AMPH: variants seen among roughly 807,000 people sequenced by gnomAD.
AMPH encodes the protein amphiphysin, also known as amphiphysin (Stiff-Mann syndrome with breast cancer 128kD autoantigen).
In AMPH, 49 loss-of-function variants were observed where a neutral mutation model predicts 99.1. The observed-to-expected ratio is 0.49, with a 90% CI of 0.39 to 0.63. AMPH has a LOEUF of 0.63. Among genes scored for constraint, AMPH ranks in the 20% least tolerant of loss-of-function variants. The pLI, the probability that AMPH is intolerant of heterozygous loss-of-function variation, is 0.00. For synonymous variants in AMPH, 314 were observed against 317.3 expected (o/e 0.99, Z 0.11); for missense variants, 759 against 863.4 (o/e 0.88, Z 1.52).
chr7:38,467,785 A>G (rs1787719734), intron 7 of AMPH, among the ~76,000 whole-genome samples: 1 of 152,066 alleles, frequency 6.6e-6, no homozygotes, highest in Admixed American at 6.6e-5. Context: ...ACATATCAAA[A>G]GTGAGTGGAT....
At chr7:38,415,275 G>C (rs553012398) in intron 17 of AMPH, among the ~76,000 whole-genome samples, 1 of 152,108 alleles carries the variant, frequency 6.6e-6, no homozygotes, top group South Asian at 2.1e-4. Context: ...AAAAAAACCA[G>C]AACAATCACA....
At chr7:38,511,510 C>G (rs1562799305) in intron 2 of AMPH, among the ~76,000 whole-genome samples, 1 of 152,114 alleles carries the variant, frequency 6.6e-6, no homozygotes, top group Non-Finnish European at 1.5e-5. Flanking sequence ...AACCAACTAA[C>G]AATGGATATG....
intron 1 of AMPH, among the ~76,000 whole-genome samples, chr7:38,620,548 T>TACATACACAC: frequency 7.5e-6 from 1 of 133,184 alleles, no homozygotes; most frequent in Middle Eastern, 3.9e-3. Context: ...TATACATACA[T>TACATACACAC]ACACACACAC....
intron 20 of AMPH, among the ~76,000 whole-genome samples, chr7:38,387,276 A>G (rs566735823): frequency 1.3e-5 from 2 of 152,370 alleles, no homozygotes; most frequent in South Asian, 4.1e-4. Context: ...TGACCAAAAG[A>G]TTAAAAAGCA....
At chr7:38,582,357 C>T (rs546444217) in intron 1 of AMPH, among the ~76,000 whole-genome samples, 107 of 152,240 alleles carry the variant, frequency 7.0e-4, no homozygotes, top group African/African-American at 2.4e-3. Context: ...GAAAGCCTGA[C>T]TAGGGTGGGT....
intron 2 of AMPH, among the ~76,000 whole-genome samples, chr7:38,522,380 A>G (rs980928013): frequency 2.6e-5 from 4 of 152,164 alleles, no homozygotes; most frequent in African/African-American, 9.7e-5. Flanking sequence ...TTTATTTTAC[A>G]GACTCCATTA....
chr7:38,440,735 C>T (rs1786473220), intron 11 of AMPH, among the ~76,000 whole-genome samples: 1 of 151,874 alleles, frequency 6.6e-6, no homozygotes, highest in Non-Finnish European at 1.5e-5. Flanking sequence ...TTAAAATGTA[C>T]ACTAAAACCC....
rs1223932748 is a variant in AMPH at position 38,468,970 on chromosome 7, C to T, written c.591-2722G>A. ...GAGATCGAGACCATCCCGGCTAAAACGGTGAAACCCCGTCTCTACTAAAAA... is the reference window on the plus strand; with the variant it reads ...GAGATCGAGACCATCCCGGCTAAAATGGTGAAACCCCGTCTCTACTAAAAA... On this transcript the variant is annotated intron_variant, in intron 7 of 20. Transcript: ENST00000356264. Among the ~76,000 whole-genome samples, 3 of 74,722 alleles carry T rather than the reference C, an allele frequency of 4.0e-5. 1 individual carries two copies. Among genetic ancestry groups the T allele is most frequent in the African/African-American group, 6.0e-5 (1 of 16,602 alleles). The allele number at this position is 74,722 out of a possible 152,430, so 49.0% of individuals were successfully genotyped here. A position where few individuals can be genotyped will look rare whatever the true frequency, so the allele number is the denominator to read the frequency against.
chr7:38,593,951 G>A (rs557564110), intron 1 of AMPH, among the ~76,000 whole-genome samples: 1 of 152,312 alleles, frequency 6.6e-6, no homozygotes, highest in South Asian at 2.1e-4. Flanking sequence ...ATGAGGGCCT[G>A]TAGGACATGG....
intron 2 of AMPH, among the ~76,000 whole-genome samples, chr7:38,518,705 G>A (rs1287370443): frequency 6.6e-6 from 1 of 152,190 alleles, no homozygotes; most frequent in Non-Finnish European, 1.5e-5. Flanking sequence ...GCCTCAGGAT[G>A]AATCATGCAT....
rs3056201 is a variant in AMPH, at chr7:38,427,649, C to CT, written c.1183-664dup. On this transcript the variant is annotated intron_variant, in intron 14 of 20. Coordinates refer to ENST00000356264, the MANE Select transcript of AMPH (RefSeq NM_001635.4). ...TTTGTTGTTGTTGTTGATGCTGCTG[C>CT]TTTTTTTTTTTTTTGGTCAACCTAT... 1.6e-3 allele frequency among the ~76,000 whole-genome samples: 216 copies of CT among 137,334 alleles called. 23 individuals carry two copies. The highest frequency in any genetic ancestry group is 3.8e-3 in the Middle Eastern group (1 of 264). 90.1% of individuals were successfully genotyped at this position (137,334 alleles called of 152,430 possible).
intron 1 of AMPH, among the ~76,000 whole-genome samples, chr7:38,598,859 C>G (rs1793152013): frequency 6.6e-6 from 1 of 151,960 alleles, no homozygotes; most frequent in Non-Finnish European, 1.5e-5. Context: ...TTCCTTTCTC[C>G]TCCTGTCCTT....
At chr7:38,469,186 A>AAAG (rs1562775655) in intron 7 of AMPH, among the ~76,000 whole-genome samples, 3 of 55,256 alleles carry the variant, frequency 5.4e-5, no homozygotes, top group Non-Finnish European at 9.8e-5. Flanking sequence ...AAAAAAAAAA[A>AAAG]AAGAACATAC....
At chr7:38,620,562 C>T (rs1039866602) in intron 1 of AMPH, among the ~76,000 whole-genome samples, 4 of 149,466 alleles carry the variant, frequency 2.7e-5, no homozygotes, top group Non-Finnish European at 6.0e-5. Context: ...CACACACACA[C>T]ACACACACAC....
At chr7:38,407,863 T>TA (rs1315956236) in intron 17 of AMPH, among the ~76,000 whole-genome samples, 2 of 152,168 alleles carry the variant, frequency 1.3e-5, no homozygotes, top group Non-Finnish European at 2.9e-5. Context: ...AGATGGAGAA[T>TA]AATAATTCTG....
intron 17 of AMPH, among the ~76,000 whole-genome samples, chr7:38,398,979 C>T (rs991174367): frequency 2.0e-5 from 3 of 151,512 alleles, no homozygotes; most frequent in Non-Finnish European, 3.0e-5. Flanking sequence ...AGCCTCAGCA[C>T]CTCAGCTGTG....
At chr7:38,604,082 A>C (rs1793347545) in intron 1 of AMPH, among the ~76,000 whole-genome samples, 1 of 152,246 alleles carries the variant, frequency 6.6e-6, no homozygotes, top group South Asian at 2.1e-4. Context: ...GCTTCAAAAA[A>C]TAGACACACA....
At chr7:38,429,692 C>T in intron 14 of AMPH, 150 bp downstream of exon 14, 1 of 1,274,988 alleles carries the variant, frequency 7.8e-7, no homozygotes, top group African/African-American at 1.5e-5. Context: ...CCAGTAAAAC[C>T]AAACTGGAAA....
intron 5 of AMPH, among the ~76,000 whole-genome samples, chr7:38,480,132 C>A (rs1788233931): frequency 6.6e-6 from 1 of 152,006 alleles, no homozygotes; most frequent in Non-Finnish European, 1.5e-5. Context: ...CTTCTAGCAA[C>A]CTACAGAATG....
Sources: allele counts gnomAD v4.1 joint callset (sites outside exome capture counted in the v4.1 genomes callset), GRCh38; gene constraint gnomAD v4.1.1; transcripts MANE v1.5; gene names NCBI Gene and HGNC (gene_info 2026-07-23, HGNC 2026-07-21).